Variants in CAPRIN1 observed in about 807,000 individuals in gnomAD.
CAPRIN1 encodes the protein cell cycle associated protein 1.
A neutral mutation model predicts 100.9 loss-of-function variants in CAPRIN1; 29 were observed. That is an observed-to-expected ratio of 0.29 (90% CI 0.21 to 0.39). CAPRIN1 has a LOEUF of 0.39. CAPRIN1 is among the 10% of genes least tolerant of loss of function. The pLI is 1.00. For missense variants in CAPRIN1, 795 were observed against 876.7 expected (o/e 0.91, Z 1.18); for synonymous variants, 338 against 307.5 (o/e 1.10, Z -1.04).
At chr11:34,071,321 G>C (rs185193909) in intron 2 of CAPRIN1, among the ~76,000 whole-genome samples, 1 of 152,150 alleles carries the variant, frequency 6.6e-6, no homozygotes, top group Admixed American at 6.5e-5. Flanking sequence ...CCTAACACTT[G>C]GGGAGGCCGA....
chr11:34,067,148 T>C (rs1850715220), intron 2 of CAPRIN1, among the ~76,000 whole-genome samples: 1 of 152,188 alleles, frequency 6.6e-6, no homozygotes, highest in South Asian at 2.1e-4. Context: ...CAAGATGGTC[T>C]TGAACTCCTG....
At chr11:34,080,618 TATG>T (rs1218731110) in intron 7 of CAPRIN1, among the ~76,000 whole-genome samples, 4 of 152,268 alleles carry the variant, frequency 2.6e-5, no homozygotes, top group Non-Finnish European at 5.9e-5. Flanking sequence ...TGAATACTTT[TATG>T]ATAACTCTTA....
intron 9 of CAPRIN1, among the ~76,000 whole-genome samples, chr11:34,085,532 T>A (rs1369725063): frequency 3.3e-5 from 5 of 152,202 alleles, no homozygotes; most frequent in African/African-American, 4.8e-5. Flanking sequence ...AGGCTGGGCA[T>A]GGTGGCTCAT....
intron 11 of CAPRIN1, among the ~76,000 whole-genome samples, chr11:34,086,761 C>G (rs1368207143): frequency 6.6e-6 from 1 of 152,144 alleles, no homozygotes; most frequent in African/African-American, 2.4e-5. Context: ...TTACCCTCAC[C>G]CCTAGCGATA....
At position 34,100,147 on chromosome 11, in the gene CAPRIN1, GTTTC is replaced by G. The variant is rs1851432616; in HGVS notation, c.*784_*787del. On this transcript the variant is annotated 3_prime_UTR_variant, in exon 19 of 19. Transcript: ENST00000341394. ...TAGATACCTTTTTGAACACTTAACA[GTTTC>G]TTTGAGACAATGACTTTTGTAAGGA... is the stretch of plus-strand genomic sequence containing the variant. 6.6e-6 allele frequency: 1 copy of G among 152,352 alleles called. No individual in the cohort carries two copies. The highest frequency in any genetic ancestry group is 2.4e-5 in the African/African-American group (1 of 41,408). The allele number at this position is 152,352 out of a possible 1,614,324, so 9.4% of individuals were successfully genotyped here.
chr11:34,070,362 A>G (rs1207218706), intron 2 of CAPRIN1, among the ~76,000 whole-genome samples: 1 of 152,202 alleles, frequency 6.6e-6, no homozygotes, highest in Non-Finnish European at 1.5e-5. Context: ...ATTAAAGACA[A>G]TATGCCCATG....
At position 34,090,246 on chromosome 11, in the gene CAPRIN1, C is replaced by G. The variant is rs762757969; in HGVS notation, c.1361C>G (p.Ala454Gly). Reference protein sequence around the residue: ...ASQPLYQPSHATEQRPQKEPI... With the variant: ...ASQPLYQPSHGTEQRPQKEPI... ...CAACCCTTGTACCAGCCTTCTCATG[C>G]TACAGAGCAACGACCACAGAAGGAA... Residue 454 changes from alanine to glycine, a missense_variant, in exon 13 of 19, where the codon GCT becomes GGT. Physicochemically the swap from Ala to Gly is moderately conservative, Grantham distance 60. Transcript: ENST00000341394. 2.7e-5 allele frequency: 44 copies of G among 1,613,914 alleles called. No individual in the cohort carries two copies. Among genetic ancestry groups the G allele is most frequent in the Non-Finnish European group, 3.7e-5 (44 of 1,179,942 alleles).
At chr11:34,060,978 G>A (rs1310331566) in intron 2 of CAPRIN1, among the ~76,000 whole-genome samples, 1 of 152,110 alleles carries the variant, frequency 6.6e-6, no homozygotes, top group Non-Finnish European at 1.5e-5. Flanking sequence ...TTCAAAGTAG[G>A]TGATGCTGGA....
intron 18 of CAPRIN1, chr11:34,098,772 G>T (rs924037264): frequency 3.0e-6 from 3 of 984,884 alleles, no homozygotes; most frequent in Admixed American, 1.2e-4. Flanking sequence ...TGTTTTAACA[G>T]CATGTAAAAA....
intron 2 of CAPRIN1, among the ~76,000 whole-genome samples, chr11:34,058,923 G>C (rs1394900008): frequency 1.3e-5 from 2 of 152,084 alleles, no homozygotes; most frequent in African/African-American, 2.4e-5. Context: ...CAAGCTTCTG[G>C]GTATTTTTTG....
At chr11:34,094,533 G>A (rs1254804199) in intron 15 of CAPRIN1, among the ~76,000 whole-genome samples, 2 of 122,758 alleles carry the variant, frequency 1.6e-5, no homozygotes, top group Non-Finnish European at 3.6e-5. Context: ...AATGAAGGCT[G>A]GGTGTGGTGG....
rs544797717 is a variant in CAPRIN1 at position 34,054,310 on chromosome 11, A to G, written c.216+1674A>G. Among the ~76,000 whole-genome samples, 5 of 152,344 alleles carry G rather than the reference A, an allele frequency of 3.3e-5. No homozygotes were observed. In the South Asian group the frequency reaches 1.0e-3, roughly 32 times the overall value. On this transcript the variant is annotated intron_variant, in intron 2 of 18. Transcript: ENST00000341394. ...TAAATGTAGTTACATCAAGAAAGTAACAAAAGTATTTTAAGTGTAAGGTAG... is the reference window on the plus strand; with the variant it reads ...TAAATGTAGTTACATCAAGAAAGTAGCAAAAGTATTTTAAGTGTAAGGTAG...
At position 34,098,946 on chromosome 11, in the gene CAPRIN1, A is replaced by G. The variant is rs1305597455; in HGVS notation, c.2066-357A>G. 3.6e-6 allele frequency: 4 copies of G among 1,100,444 alleles called. No homozygotes were observed. In the South Asian group the frequency reaches 1.2e-4, roughly 34 times the overall value. 68.2% of individuals were successfully genotyped at this position (1,100,444 alleles called of 1,614,324 possible). A position where few individuals can be genotyped will look rare whatever the true frequency, so the allele number is the denominator to read the frequency against. ...TAAGCTAGAGTGTACACTAGAATGT[A>G]AGCTCCATGAGAGCAGGTACCTTGT... On this transcript the variant is annotated intron_variant, in intron 18 of 18. Coordinates refer to ENST00000341394, the MANE Select transcript of CAPRIN1 (RefSeq NM_005898.5).
intron 9 of CAPRIN1, among the ~76,000 whole-genome samples, chr11:34,085,808 GA>G (rs1247648567): frequency 6.6e-6 from 1 of 150,600 alleles, no homozygotes; most frequent in Non-Finnish European, 1.5e-5. Flanking sequence ...CGTCTCGAAA[GA>G]AAAAAAAATA....
chr11:34,081,345 C>T (rs150813959), intron 7 of CAPRIN1, among the ~76,000 whole-genome samples: 8 of 151,792 alleles, frequency 5.3e-5, no homozygotes, highest in East Asian at 3.9e-4. Context: ...GGACTACAGG[C>T]GCATCACCAC....
intron 2 of CAPRIN1, among the ~76,000 whole-genome samples, chr11:34,071,090 A>T (rs1850796518): frequency 6.6e-6 from 1 of 152,200 alleles, no homozygotes; most frequent in Non-Finnish European, 1.5e-5. Flanking sequence ...TGATATGCTC[A>T]CTTGGGTATA....
In CAPRIN1 at chr11:34,096,656, C is replaced by T. The variant is rs749726324; in HGVS notation, c.1883C>T (p.Pro628Leu). 1.2e-6 allele frequency: 2 copies of T among 1,600,470 alleles called. No homozygotes were observed. The highest frequency in any genetic ancestry group is 1.1e-5 in the South Asian group (1 of 90,392). Residue 628 changes from proline (P) to leucine (L), a missense_variant, in exon 16 of 19, where the codon CCT becomes CTT. Pro to Leu is a moderately conservative substitution (Grantham distance 98). This residue lies in a region of CAPRIN1 where 648 missense variants were observed against 697.9 expected (regional missense o/e 0.93). Coordinates refer to ENST00000341394, the MANE Select transcript of CAPRIN1 (RefSeq NM_005898.5). ...ARGLMNGYRGPANGFRGGYDG... is the reference protein window; with the variant it reads ...ARGLMNGYRGLANGFRGGYDG... ...GGCTTGATGAATGGATACCGGGGCC[C>T]TGCCAATGGATTCAGAGGTAAAAAA... is the stretch of plus-strand genomic sequence containing the variant.
At chr11:34,094,331 C>T (rs901376721) in intron 15 of CAPRIN1, among the ~76,000 whole-genome samples, 2 of 152,122 alleles carry the variant, frequency 1.3e-5, no homozygotes, top group South Asian at 2.1e-4. Context: ...GCTGGGATTA[C>T]AGGCGTGAGC....
At chr11:34,091,819 T>G in intron 14 of CAPRIN1, 87 bp from the exon 15 acceptor site, 1 of 1,202,454 alleles carries the variant, frequency 8.3e-7, no homozygotes, top group Non-Finnish European at 1.2e-6. Context: ...TTTATTTATG[T>G]CTGAGGTAAA....
Sources: gnomAD v4.1 joint callset for allele counts (sites outside exome capture counted in the v4.1 genomes callset) on GRCh38, gnomAD v4.1.1 for gene constraint, gnomAD v4.1.1 regional missense constraint, MANE v1.5 for transcripts, NCBI Gene and HGNC (gene_info 2026-07-23, HGNC 2026-07-21) for gene names.